CCDC88A: variants seen among roughly 807,000 people sequenced by gnomAD.
CCDC88A encodes the protein girdin.
CCDC88A carries 54 observed loss-of-function variants against 234.3 expected under a neutral mutation model. The ratio of observed to expected loss-of-function variants is 0.23; its 90% CI spans 0.19 to 0.29. The LOEUF is 0.29. Among genes scored for constraint, CCDC88A ranks in the 10% least tolerant of loss-of-function variants. The pLI is 1.00. For synonymous variants in CCDC88A, 753 were observed against 737.8 expected, an observed-to-expected ratio of 1.02 and a Z score of -0.33; for missense variants, 1,832 against 2,123.4, an observed-to-expected ratio of 0.86 and a Z score of 2.70.
intron 3 of CCDC88A, among the ~76,000 whole-genome samples, chr2:55,377,948 C>T (rs1673975349): frequency 6.6e-6 from 1 of 152,192 alleles, no homozygotes; most frequent in South Asian, 2.1e-4. Context: ...TTTTTTAAAG[C>T]TTTATCTTAA....
chr2:55,305,444 T>A (rs75445253), intron 25 of CCDC88A, among the ~76,000 whole-genome samples: 1 of 152,350 alleles, frequency 6.6e-6, no homozygotes, highest in East Asian at 1.9e-4. Flanking sequence ...TTATTCTGGA[T>A]GTTTCAGCAG....
chr2:55,380,556 G>A (rs1001379220), intron 3 of CCDC88A, among the ~76,000 whole-genome samples: 1 of 137,840 alleles, frequency 7.3e-6, no homozygotes, highest in Non-Finnish European at 1.5e-5. Context: ...TCCACCACAT[G>A]TTAGCTGGCT....
rs538886204 is a variant in CCDC88A at position 55,354,338 on chromosome 2, C to T, written c.800+1241G>A. On this transcript the variant is annotated intron_variant, in intron 8 of 32. Coordinates refer to ENST00000436346, the MANE Select transcript of CCDC88A (RefSeq NM_001365480.1). The stretch of plus-strand genomic sequence containing the variant: ...TAGACACAGGGTTTCACCATGTTGG[C>T]CAGGCTGGTCTTGAACTCCTGACCT... Among the ~76,000 whole-genome samples the T allele has an allele frequency of 9.2e-5, 14 of 152,062 alleles. No individual in the cohort carries two copies. The South Asian group carries it at 2.9e-3, about 32-fold the overall frequency.
chr2:55,344,048 C>A (rs1668811628), intron 11 of CCDC88A: 1 of 374,984 alleles, frequency 2.7e-6, no homozygotes, highest in Non-Finnish European at 4.7e-6. Flanking sequence ...TTTAGTGATA[C>A]AACAAAAGAA....
intron 2 of CCDC88A, among the ~76,000 whole-genome samples, chr2:55,398,538 C>A (rs780434977): frequency 6.6e-6 from 1 of 152,072 alleles, no homozygotes; most frequent in South Asian, 2.1e-4. Flanking sequence ...GTTAGGATCA[C>A]GGAAAACAGG....
chr2:55,398,338 A>G (rs1677977379), intron 2 of CCDC88A, among the ~76,000 whole-genome samples: 1 of 152,196 alleles, frequency 6.6e-6, no homozygotes, highest in South Asian at 2.1e-4. Flanking sequence ...CAGAACTGAA[A>G]AGTTCCTATT....
intron 31 of CCDC88A, 194 bp downstream of exon 31, chr2:55,295,403 G>A (rs562784969): frequency 5.9e-5 from 91 of 1,547,510 alleles, no homozygotes; most frequent in South Asian, 4.9e-4. Flanking sequence ...CCAACATTCC[G>A]AATGCATCAC....
chr2:55,343,688 C>A lies in CCDC88A; in HGVS notation c.1293G>T (p.Trp431Cys). The change falls in exon 12 of 33, where the codon TGG (tryptophan) becomes TGT (cysteine). Residue 431 changes from tryptophan (W) to cysteine (C), a missense_variant. By Grantham distance (215) the Trp-to-Cys change is radical (BLOSUM62 -2). Coordinates refer to ENST00000436346, the MANE Select transcript of CCDC88A (RefSeq NM_001365480.1). Reference protein sequence around the residue: ...QSMDESLHLGWELEQISRTSE... With the variant: ...QSMDESLHLGCELEQISRTSE... ...TAGTTCTGGATATCTGTTCCAGTTCCCAGCCAAGATGTAATGATTCATCCA... is the reference window on the plus strand; with the variant it reads ...TAGTTCTGGATATCTGTTCCAGTTCACAGCCAAGATGTAATGATTCATCCA... 6.2e-7 allele frequency: 1 copy of A among 1,611,494 alleles called. No individual in the cohort carries two copies. Among genetic ancestry groups the A allele is most frequent in the South Asian group, 1.1e-5 (1 of 90,430 alleles).
chr2:55,288,535 A>G lies in CCDC88A; in HGVS notation c.*2665T>C, dbSNP rs1444661740. On this transcript the variant is annotated 3_prime_UTR_variant, in exon 33 of 33. Transcript: ENST00000436346. ...AGTACTTCATTGTGAGGTGGCTACAACTCTATAATATGCACAGTGATTTTA... is the reference window on the plus strand; with the variant it reads ...AGTACTTCATTGTGAGGTGGCTACAGCTCTATAATATGCACAGTGATTTTA... The G allele has an allele frequency of 1.3e-5, 2 of 152,602 alleles. No homozygotes were observed. Among genetic ancestry groups the G allele is most frequent in the Non-Finnish European group, 2.9e-5 (2 of 68,028 alleles). The allele number at this position is 152,602 out of a possible 1,614,324, so 9.5% of individuals were successfully genotyped here. A position where few individuals can be genotyped will look rare whatever the true frequency, so the allele number is the denominator to read the frequency against.
At position 55,322,665 on chromosome 2, in the gene CCDC88A, GT is replaced by G; in HGVS notation, c.3024del (p.Lys1008AsnfsTer35). 1 of 1,539,328 alleles carries G rather than the reference GT, an allele frequency of 6.5e-7. No homozygotes were observed. Among genetic ancestry groups the G allele is most frequent in the Non-Finnish European group, 8.7e-7 (1 of 1,147,128 alleles). ...ACCATCCTTTCCTCATCTTGTCTCT[GT>G]TTGAGAGCTTCATAATTTTTTTTCA... ...KTVKKNYEAL[K>X]QRQDEERMVQ... On this transcript the variant is annotated frameshift_variant, in exon 18 of 33. Transcript: ENST00000436346. LOFTEE classifies it high-confidence loss of function.
chr2:55,409,328 G>C (rs1466402057), intron 2 of CCDC88A, among the ~76,000 whole-genome samples: 2 of 151,968 alleles, frequency 1.3e-5, no homozygotes, highest in Non-Finnish European at 2.9e-5. Context: ...TGTTCACTCT[G>C]ATTTCTCCTA....
Position 55,334,927 on chromosome 2 carries a change from T to C in CCDC88A, c.1894A>G (p.Asn632Asp). 2 of 1,532,204 alleles carry C rather than the reference T, an allele frequency of 1.3e-6. No individual in the cohort carries two copies. The highest frequency in any genetic ancestry group is 1.2e-5 in the South Asian group (1 of 82,058). 94.9% of individuals were successfully genotyped at this position (1,532,204 alleles called of 1,614,324 possible). A position where few individuals can be genotyped will look rare whatever the true frequency, so the allele number is the denominator to read the frequency against. ...EKGERAEELE[N>D]ELHHLEKENE... ...TCTTTTTCAAGATGATGCAATTCATTTTCAAGTTCTTCAGCTCGTTCTCCT... is the reference window on the plus strand; with the variant it reads ...TCTTTTTCAAGATGATGCAATTCATCTTCAAGTTCTTCAGCTCGTTCTCCT... The change falls in exon 15 of 33, where the codon AAT becomes GAT. Residue 632 changes from asparagine to aspartate, a missense_variant. Physicochemically the swap from Asn to Asp is conservative, Grantham distance 23. Transcript: ENST00000436346. The surrounding 1 kb of genome is among the most constrained non-coding windows in gnomAD (Gnocchi z 6.1).
At chr2:55,381,980 G>C (rs1409590717) in intron 3 of CCDC88A, among the ~76,000 whole-genome samples, 1 of 152,028 alleles carries the variant, frequency 6.6e-6, no homozygotes, top group East Asian at 1.9e-4. Flanking sequence ...TTACATATCT[G>C]TCAGTTTATC....
chr2:55,294,391 A>C, intron 31 of CCDC88A: 2 of 939,380 alleles, frequency 2.1e-6, no homozygotes, highest in Non-Finnish European at 2.5e-6. Flanking sequence ...GGGTTTTCTA[A>C]GAATAACACT....
intron 18 of CCDC88A, 99 bp downstream of exon 18, chr2:55,322,429 C>T: frequency 1.4e-6 from 1 of 708,520 alleles, no homozygotes; most frequent in South Asian, 2.5e-5. Flanking sequence ...TAAGTGCCAT[C>T]AATTGTTTAA....
intron 2 of CCDC88A, among the ~76,000 whole-genome samples, chr2:55,401,079 C>T (rs935640431): frequency 1.3e-5 from 2 of 151,780 alleles, no homozygotes; most frequent in African/African-American, 4.8e-5. Context: ...AAATTAATGG[C>T]TTTTTTATTT....
Position 55,355,623 on chromosome 2 carries a change from T to C in CCDC88A, c.756A>G (p.Glu252=). Residue 252 remains glutamate, a synonymous_variant, in exon 8 of 33, where the codon GAA becomes GAG. Transcript: ENST00000436346. ...TTATCTTGGCTTTAGCATCTGCCAG[T>C]TCCACCGACAGATGTTGTCGACTTT... ...RTESRQHLSV[E]LADAKAKIRR... 3.1e-6 allele frequency: 5 copies of C among 1,614,170 alleles called. No homozygotes were observed. Among genetic ancestry groups the C allele is most frequent in the Middle Eastern group, 1.7e-4 (1 of 6,060 alleles).
chr2:55,406,414 C>T (rs1245204097), intron 2 of CCDC88A, among the ~76,000 whole-genome samples: 2 of 151,984 alleles, frequency 1.3e-5, no homozygotes, highest in Non-Finnish European at 2.9e-5. Flanking sequence ...TTGATATTTC[C>T]CTGTAAATTC....
intron 5 of CCDC88A, among the ~76,000 whole-genome samples, chr2:55,370,843 TA>T (rs10606095): frequency 0.38 from 52,084 of 135,294 alleles, 10,092 homozygotes; most frequent in East Asian, 0.79. Flanking sequence ...CCCCATTTCT[TA>T]AAAAAAAAAA....
Sources: allele counts gnomAD v4.1 joint callset (sites outside exome capture counted in the v4.1 genomes callset), GRCh38; gene constraint gnomAD v4.1.1; non-coding constraint Gnocchi (gnomAD v3.1); transcripts MANE v1.5; gene names NCBI Gene and HGNC (gene_info 2026-07-23, HGNC 2026-07-21).